NMNAT2: variants seen among roughly 807,000 people sequenced by gnomAD.
NMNAT2 encodes nicotinamide/nicotinic acid mononucleotide adenylyltransferase 2.
Under a neutral mutation model 41.6 loss-of-function variants are expected in NMNAT2, and 11 were observed. That is an observed-to-expected ratio of 0.26 (90% CI 0.17 to 0.44). The LOEUF is 0.44. Ranked by LOEUF, NMNAT2 falls within the 20% of genes least tolerant of loss-of-function variation. The pLI is 1.00. For synonymous variants in NMNAT2, 148 were observed against 151.2 expected, an observed-to-expected ratio of 0.98 and a Z score of 0.16; for missense variants, 288 against 407.7, an observed-to-expected ratio of 0.71 and a Z score of 2.53.
chr1:183,260,373 A>G (rs1435045749), intron 10 of NMNAT2, among the ~76,000 whole-genome samples: 1 of 152,180 alleles, frequency 6.6e-6, no homozygotes, highest in African/African-American at 2.4e-5. Context: ...AATTCTGAAT[A>G]TTGGAATTTT....
intron 1 of NMNAT2, among the ~76,000 whole-genome samples, chr1:183,323,002 G>T (rs913006673): frequency 1.3e-5 from 2 of 152,096 alleles, no homozygotes; most frequent in Admixed American, 6.5e-5. Flanking sequence ...CGCGATTTCG[G>T]CTCGCTGCAA....
chr1:183,315,627 C>A (rs1662229840), intron 1 of NMNAT2, among the ~76,000 whole-genome samples: 2 of 151,886 alleles, frequency 1.3e-5, no homozygotes, highest in Non-Finnish European at 2.9e-5. Flanking sequence ...ACTAAAAATA[C>A]AAAAATTAGC....
chr1:183,386,397 G>A (rs73050090), intron 1 of NMNAT2, among the ~76,000 whole-genome samples: 1,764 of 152,216 alleles, frequency 0.012, 32 homozygotes, highest in African/African-American at 0.04. Flanking sequence ...ATTTTGAATA[G>A]CAATGTACCA....
chr1:183,266,037 C>T (rs1313067513), intron 8 of NMNAT2, among the ~76,000 whole-genome samples: 1 of 152,204 alleles, frequency 6.6e-6, no homozygotes, highest in Non-Finnish European at 1.5e-5. Context: ...GCGACAAATG[C>T]AGCTCTAGAA....
At chr1:183,259,115 G>T (rs1022093953) in intron 10 of NMNAT2, among the ~76,000 whole-genome samples, 1 of 152,118 alleles carries the variant, frequency 6.6e-6, no homozygotes, top group Non-Finnish European at 1.5e-5. Context: ...TCCTCACATA[G>T]TTTTTGAAAA....
chr1:183,415,334 A>C (rs983393744), intron 1 of NMNAT2, among the ~76,000 whole-genome samples: 4 of 152,224 alleles, frequency 2.6e-5, no homozygotes, highest in African/African-American at 9.6e-5. Flanking sequence ...TCACAGAGAA[A>C]ATTTTTAAAG....
intron 1 of NMNAT2, among the ~76,000 whole-genome samples, chr1:183,312,036 A>G (rs1239660200): frequency 1.3e-5 from 2 of 151,980 alleles, no homozygotes; most frequent in African/African-American, 4.8e-5. Flanking sequence ...CCTTCCAACC[A>G]CAATTGTGAG....
chr1:183,283,192 G>A (rs1216775000), intron 7 of NMNAT2: 8 of 152,396 alleles, frequency 5.2e-5, no homozygotes. Flanking sequence ...ATGCTTGGAG[G>A]ATCTTTTCAG....
intron 7 of NMNAT2, among the ~76,000 whole-genome samples, chr1:183,279,142 G>T (rs934794210): frequency 1.3e-5 from 2 of 152,182 alleles, no homozygotes; most frequent in Non-Finnish European, 2.9e-5. Flanking sequence ...TGTATAAAAT[G>T]TGTCACATGG....
intron 1 of NMNAT2, among the ~76,000 whole-genome samples, chr1:183,333,866 G>A (rs2102340375): frequency 6.6e-6 from 1 of 152,318 alleles, no homozygotes; most frequent in East Asian, 1.9e-4. Flanking sequence ...GCTGCCATTA[G>A]CTCTGTCATT....
At chr1:183,348,596 C>G (rs1009964460) in intron 1 of NMNAT2, among the ~76,000 whole-genome samples, 1 of 152,148 alleles carries the variant, frequency 6.6e-6, no homozygotes, top group African/African-American at 2.4e-5. Context: ...ATCAGACCAG[C>G]CTTGCAGCCC....
At chr1:183,337,092 G>T (rs1357317500) in intron 1 of NMNAT2, among the ~76,000 whole-genome samples, 4 of 152,178 alleles carry the variant, frequency 2.6e-5, no homozygotes. Context: ...GATTAGAATG[G>T]TCTGTATCTT....
chr1:183,276,907 G>A (rs1558113832), intron 8 of NMNAT2, among the ~76,000 whole-genome samples: 2 of 152,222 alleles, frequency 1.3e-5, no homozygotes, highest in Admixed American at 6.5e-5. Context: ...GGGTGGAGAG[G>A]ACTGTATATT....
At chr1:183,353,312 A>G (rs936069297) in intron 1 of NMNAT2, among the ~76,000 whole-genome samples, 1 of 152,204 alleles carries the variant, frequency 6.6e-6, no homozygotes, top group African/African-American at 2.4e-5. Context: ...AGCCCTGAAT[A>G]CAACCTCTTA....
chr1:183,378,375 C>T (rs942356035), intron 1 of NMNAT2, among the ~76,000 whole-genome samples: 2 of 149,272 alleles, frequency 1.3e-5, no homozygotes, highest in African/African-American at 2.5e-5. Context: ...GCCTGGGCAA[C>T]AGAGGGAGAC....
At chr1:183,286,206 G>A (rs1026486134) in intron 5 of NMNAT2, among the ~76,000 whole-genome samples, 1 of 152,020 alleles carries the variant, frequency 6.6e-6, no homozygotes, top group African/African-American at 2.4e-5. Context: ...TGAGTAGCTG[G>A]GACTACAGGT....
At chr1:183,287,940 T>C (rs1661438143) in intron 4 of NMNAT2, among the ~76,000 whole-genome samples, 1 of 152,110 alleles carries the variant, frequency 6.6e-6, no homozygotes, top group Non-Finnish European at 1.5e-5. Context: ...TTTGTAAGAC[T>C]CCTGATAGGA....
chr1:183,379,602 G>A (rs1438193768), intron 1 of NMNAT2, among the ~76,000 whole-genome samples: 1 of 152,118 alleles, frequency 6.6e-6, no homozygotes, highest in Non-Finnish European at 1.5e-5. Context: ...AGGCAAAGTA[G>A]ACTTCAGAAC....
chr1:183,415,828 G>C (rs73051915), intron 1 of NMNAT2, among the ~76,000 whole-genome samples: 5,412 of 152,170 alleles, frequency 0.036, 143 homozygotes, highest in South Asian at 0.09. Flanking sequence ...TGTGTATTTT[G>C]TGTTCTTATT....
Sources: allele counts gnomAD v4.1 joint callset (sites outside exome capture counted in the v4.1 genomes callset), GRCh38; gene constraint gnomAD v4.1.1; transcripts MANE v1.5; gene names NCBI Gene and HGNC (gene_info 2026-07-23, HGNC 2026-07-21).